Variants in LLGL2 observed in about 807,000 individuals in gnomAD.
LLGL2 encodes the protein LLGL scribble cell polarity complex component 2.
In LLGL2, 81 loss-of-function variants were observed where a neutral mutation model predicts 123.2. The ratio of observed to expected loss-of-function variants is 0.66; its 90% confidence interval spans 0.55 to 0.79. LLGL2 has a LOEUF of 0.79. Among genes scored for constraint, LLGL2 ranks in the 30% least tolerant of loss-of-function variants. The pLI is 0.00. For synonymous variants in LLGL2, 577 were observed against 594.1 expected (o/e 0.97, Z 0.42); for missense variants, 1,273 against 1,414.6 (o/e 0.90, Z 1.61).
In LLGL2 at chr17:75,558,507, G is replaced by A. The variant is rs190613484; in HGVS notation, c.256-5G>A. The A allele has an allele frequency of 3.4e-4, 542 of 1,579,460 alleles. 1 individual carries two copies. The African/African-American group carries it at 6.1e-3, about 18-fold the overall frequency. On this transcript the variant is annotated splice_polypyrimidine_tract_variant and splice_region_variant and intron_variant, in intron 4 of 25. Coordinates refer to ENST00000392550, the MANE Select transcript of LLGL2 (RefSeq NM_001031803.2). This position sits in a 1 kb window ranked among gnomAD's most constrained non-coding sequence, Gnocchi z 4.0. Reference sequence around the variant, plus strand: ...CCACATGATCCCGTCGTGTGCCCTCGCCAGTGCCAGCTGGTCACCCTGCTG... The same window carrying A: ...CCACATGATCCCGTCGTGTGCCCTCACCAGTGCCAGCTGGTCACCCTGCTG...
intron 2 of LLGL2, among the ~76,000 whole-genome samples, chr17:75,545,707 G>A (rs1338462707): frequency 6.6e-6 from 1 of 152,190 alleles, no homozygotes; most frequent in Non-Finnish European, 1.5e-5. Context: ...TACAATGTAG[G>A]AAAGATAAAC....
At chr17:75,568,924 T>G (rs2055565702) in intron 12 of LLGL2, 54 bp from the exon 13 acceptor site, 1 of 1,583,448 alleles carries the variant, frequency 6.3e-7, no homozygotes, top group East Asian at 2.2e-5. Flanking sequence ...AGCCAGCCCC[T>G]GGGCATCCCG....
chr17:75,571,983 C>G lies in LLGL2; in HGVS notation c.2379C>G (p.Leu793=). 1 of 1,612,924 alleles carries G rather than the reference C, an allele frequency of 6.2e-7. No individual in the cohort carries two copies. Among genetic ancestry groups the G allele is most frequent in the Non-Finnish European group, 8.5e-7 (1 of 1,180,002 alleles). The change falls in exon 19 of 26, where the codon CTC becomes CTG. Residue 793 remains leucine (L), a synonymous_variant. Transcript: ENST00000392550. ...DGHSVPLPEP[L]EVAHDLSKSP... is the part of the protein sequence containing the mutation. ...ACAGCGTACCCCTTCCCGAGCCCCT[C>G]GAAGTGGCCCATGATCTGTCGAAGA... is the stretch of plus-strand genomic sequence containing the variant.
intron 1 of LLGL2, chr17:75,533,679 G>C (rs1380523912): frequency 6.6e-6 from 1 of 152,194 alleles, no homozygotes; most frequent in Non-Finnish European, 1.5e-5. Context: ...AAAGATGTCT[G>C]CCGTCGTTGA....
intron 19 of LLGL2, among the ~76,000 whole-genome samples, chr17:75,572,793 C>T (rs2055782924): frequency 6.6e-6 from 1 of 151,670 alleles, no homozygotes; most frequent in Non-Finnish European, 1.5e-5. Flanking sequence ...GTACTCCAGC[C>T]TGGGCGACAG....
chr17:75,545,499 C>T (rs952322348), intron 2 of LLGL2, among the ~76,000 whole-genome samples: 9 of 152,014 alleles, frequency 5.9e-5, no homozygotes, highest in African/African-American at 2.2e-4. Flanking sequence ...GCGGGGTAGA[C>T]TCATCCGGCT....
chr17:75,539,545 A>G (rs752327661), intron 1 of LLGL2, among the ~76,000 whole-genome samples: 1 of 150,058 alleles, frequency 6.7e-6, no homozygotes, highest in Non-Finnish European at 1.5e-5. Flanking sequence ...TGCCCAGCCC[A>G]TCTCTTTTTT....
At chr17:75,537,473 C>T (rs1455283969) in intron 1 of LLGL2, among the ~76,000 whole-genome samples, 3 of 152,080 alleles carry the variant, frequency 2.0e-5, no homozygotes, top group Non-Finnish European at 4.4e-5. Context: ...GTGGGCAGAT[C>T]ACTTGAGATC....
chr17:75,573,452 AG>A, intron 20 of LLGL2, 28 bp from the exon 21 acceptor site: 1 of 1,594,184 alleles, frequency 6.3e-7, no homozygotes, highest in East Asian at 2.3e-5. Flanking sequence ...CCGCCAGGCC[AG>A]GCCGCTAGCA....
intron 21 of LLGL2, 31 bp from the exon 22 acceptor site, chr17:75,573,921 G>T: frequency 1.9e-6 from 3 of 1,550,454 alleles, no homozygotes; most frequent in Non-Finnish European, 2.6e-6. Flanking sequence ...GAGCCCGGGG[G>T]CCCTGGTCCT....
intron 19 of LLGL2, 88 bp downstream of exon 19, chr17:75,572,152 C>T: frequency 7.5e-7 from 1 of 1,334,504 alleles, no homozygotes; most frequent in Non-Finnish European, 1.0e-6. Context: ...GGCTGGGACT[C>T]AGTCTTGTTT....
At chr17:75,568,429 G>A in intron 10 of LLGL2, 47 bp from the exon 11 acceptor site, 1 of 1,589,460 alleles carries the variant, frequency 6.3e-7, no homozygotes, top group Non-Finnish European at 8.5e-7. Context: ...ACAGAGCTGG[G>A]CTGCTTCCTC....
In LLGL2 at chr17:75,574,973, C is replaced by T; in HGVS notation, c.*95C>T. The T allele has an allele frequency of 1.3e-6, 2 of 1,573,424 alleles. No homozygotes were observed. The highest frequency in any genetic ancestry group is 1.7e-6 in the Non-Finnish European group (2 of 1,144,070). ...AACCGGAGAGGCCGGTGCACAGGGC[C>T]CCGCCAGGGGCTGGGGGCATCCCGG... On this transcript the variant is annotated 3_prime_UTR_variant, in exon 26 of 26. Transcript: ENST00000392550.
At chr17:75,552,656 G>T (rs1361860718) in intron 2 of LLGL2, among the ~76,000 whole-genome samples, 1 of 152,128 alleles carries the variant, frequency 6.6e-6, no homozygotes, top group East Asian at 1.9e-4. Context: ...TTTTTTGGAA[G>T]TACTAGATCT....
chr17:75,573,443 C>T (rs750731297), intron 20 of LLGL2, 38 bp from the exon 21 acceptor site: 83 of 1,590,152 alleles, frequency 5.2e-5, no homozygotes, highest in South Asian at 2.0e-4. Context: ...CCTTGGCAGC[C>T]GCCAGGCCAG....
intron 2 of LLGL2, among the ~76,000 whole-genome samples, chr17:75,551,184 C>T (rs1286767704): frequency 6.6e-6 from 1 of 152,172 alleles, no homozygotes; most frequent in Admixed American, 6.5e-5. Context: ...GCCCTGGTCC[C>T]TCCAGAGTTG....
chr17:75,535,931 C>T (rs1000405618), intron 1 of LLGL2, among the ~76,000 whole-genome samples: 3 of 152,176 alleles, frequency 2.0e-5, no homozygotes, highest in Non-Finnish European at 4.4e-5. Context: ...GGAAACAGGT[C>T]GATCAGCTGC....
At chr17:75,550,861 T>A (rs1248405057) in intron 2 of LLGL2, among the ~76,000 whole-genome samples, 1 of 151,016 alleles carries the variant, frequency 6.6e-6, no homozygotes, top group Non-Finnish European at 1.5e-5. Flanking sequence ...CCATGGAGCC[T>A]TCGTTCTTTC....
chr17:75,573,764 T>A (rs1253222476), intron 21 of LLGL2, 133 bp downstream of exon 21: 2 of 1,212,860 alleles, frequency 1.6e-6, no homozygotes, highest in Non-Finnish European at 2.3e-6. Context: ...AGGCTCCGGC[T>A]CTCCTTGCCT....
Sources: allele counts gnomAD v4.1 joint callset (sites outside exome capture counted in the v4.1 genomes callset), GRCh38; gene constraint gnomAD v4.1.1; non-coding constraint Gnocchi (gnomAD v3.1); transcripts MANE v1.5; gene names NCBI Gene and HGNC (gene_info 2026-07-23, HGNC 2026-07-21).